The following NKAIN2 variants were observed in gnomAD, a reference collection of about 807,000 sequenced individuals.
NKAIN2 encodes the protein sodium/potassium transporting ATPase interacting 2.
Under a neutral mutation model 32.6 loss-of-function variants are expected in NKAIN2, and 14 were observed. That is an observed-to-expected ratio of 0.43 (90% CI 0.28 to 0.67). The LOEUF (loss-of-function observed/expected upper bound fraction) is 0.67. Among genes scored for constraint, NKAIN2 ranks in the 30% least tolerant of loss-of-function variants. NKAIN2 has a pLI of 0.17. For missense variants in NKAIN2, 198 were observed against 258.3 expected (o/e 0.77, Z 1.60); for synonymous variants, 80 against 87.2 (o/e 0.92, Z 0.46).
At chr6:124,128,750 T>C (rs760372882) in intron 1 of NKAIN2, among the ~76,000 whole-genome samples, 1 of 152,236 alleles carries the variant, frequency 6.6e-6, no homozygotes, top group Non-Finnish European at 1.5e-5. Context: ...TATTCCTGTA[T>C]GTTATTACTA....
intron 2 of NKAIN2, among the ~76,000 whole-genome samples, chr6:124,301,458 G>A (rs1796289449): frequency 6.6e-6 from 1 of 152,174 alleles, no homozygotes; most frequent in South Asian, 2.1e-4. Flanking sequence ...GCCTAGTGGA[G>A]CTGTGAGAAG....
chr6:124,564,409 G>T (rs1456639917), intron 3 of NKAIN2, among the ~76,000 whole-genome samples: 2 of 152,114 alleles, frequency 1.3e-5, no homozygotes, highest in African/African-American at 2.4e-5. Context: ...CTGTATAATG[G>T]ATCAATCAGC....
intron 2 of NKAIN2, among the ~76,000 whole-genome samples, chr6:124,307,133 T>C (rs547035724): frequency 6.6e-6 from 1 of 152,218 alleles, no homozygotes; most frequent in South Asian, 2.1e-4. Flanking sequence ...ATAAATTTAG[T>C]ATATATCATA....
chr6:123,821,762 C>T (rs935456100), intron 1 of NKAIN2, among the ~76,000 whole-genome samples: 1 of 152,132 alleles, frequency 6.6e-6, no homozygotes, highest in Non-Finnish European at 1.5e-5. Context: ...TTCAAAAATA[C>T]TGTTGGCTTT....
intron 4 of NKAIN2, among the ~76,000 whole-genome samples, chr6:124,771,790 C>T (rs1035837405): frequency 5.3e-5 from 8 of 151,886 alleles, no homozygotes; most frequent in African/African-American, 1.9e-4. Flanking sequence ...TAAAAACACC[C>T]AGCAAAAACT....
chr6:124,092,703 G>A (rs1414631911), intron 1 of NKAIN2, among the ~76,000 whole-genome samples: 1 of 151,776 alleles, frequency 6.6e-6, no homozygotes, highest in African/African-American at 2.4e-5. Context: ...GCTCTCATAT[G>A]TTTAGCCTAT....
At chr6:124,300,683 G>C (rs1162647792) in intron 2 of NKAIN2, among the ~76,000 whole-genome samples, 2 of 152,182 alleles carry the variant, frequency 1.3e-5, no homozygotes, top group African/African-American at 4.8e-5. Context: ...TCCAGGCCGA[G>C]GTGGTCTCAG....
intron 1 of NKAIN2, among the ~76,000 whole-genome samples, chr6:124,001,245 T>G (rs1382005589): frequency 1.3e-5 from 2 of 151,992 alleles, no homozygotes; most frequent in South Asian, 2.1e-4. Flanking sequence ...AATGTTAGAT[T>G]AGAAATCAGA....
intron 4 of NKAIN2, among the ~76,000 whole-genome samples, chr6:124,672,012 A>T (rs1359427023): frequency 1.3e-5 from 2 of 151,974 alleles, no homozygotes; most frequent in African/African-American, 4.8e-5. Flanking sequence ...GCCCATTTTA[A>T]AAAACAAAAA....
intron 2 of NKAIN2, among the ~76,000 whole-genome samples, chr6:124,329,122 T>G (rs1797548056): frequency 6.6e-6 from 1 of 152,140 alleles, no homozygotes; most frequent in South Asian, 2.1e-4. Context: ...CAAACACTCA[T>G]CTAGCACCTC....
chr6:124,810,622 A>C (rs544789023), intron 5 of NKAIN2, among the ~76,000 whole-genome samples: 8 of 152,262 alleles, frequency 5.3e-5, no homozygotes, highest in Admixed American at 4.6e-4. Context: ...CCTAAAACTT[A>C]AAGTATAATA....
chr6:124,803,608 T>C (rs1406282090), intron 5 of NKAIN2, among the ~76,000 whole-genome samples: 1 of 152,240 alleles, frequency 6.6e-6, no homozygotes. Flanking sequence ...AGGCTGTTCC[T>C]GTTGCTTGTC....
chr6:124,490,412 G>GTTT (rs3052658), intron 3 of NKAIN2: 49,582 of 307,850 alleles, frequency 0.16, 2,527 homozygotes, highest in East Asian at 0.26. Flanking sequence ...AATCATAGAG[G>GTTT]TTTTTTTTTT....
intron 1 of NKAIN2, among the ~76,000 whole-genome samples, chr6:123,980,006 A>G (rs950183170): frequency 2.0e-5 from 3 of 152,198 alleles, no homozygotes; most frequent in African/African-American, 7.2e-5. Flanking sequence ...GATATTAGAC[A>G]GTGATTGGTT....
intron 1 of NKAIN2, among the ~76,000 whole-genome samples, chr6:124,116,309 A>T (rs1458364221): frequency 6.6e-6 from 1 of 152,074 alleles, no homozygotes; most frequent in Non-Finnish European, 1.5e-5. Flanking sequence ...TAGTTCACAC[A>T]CTTGTACCTT....
chr6:124,386,858 G>T (rs1772921821), intron 3 of NKAIN2, among the ~76,000 whole-genome samples: 1 of 151,998 alleles, frequency 6.6e-6, no homozygotes, highest in African/African-American at 2.4e-5. Flanking sequence ...TTGGGCCATT[G>T]TCCCCCTAAA....
chr6:124,154,537 G>A (rs1282515884), intron 1 of NKAIN2, among the ~76,000 whole-genome samples: 1 of 151,794 alleles, frequency 6.6e-6, no homozygotes, highest in Non-Finnish European at 1.5e-5. Context: ...AAATTATACT[G>A]CCACTTTGTG....
At chr6:124,198,295 AGTT>A (rs964674187) in intron 1 of NKAIN2, among the ~76,000 whole-genome samples, 5 of 151,868 alleles carry the variant, frequency 3.3e-5, no homozygotes, top group Admixed American at 3.3e-4. Context: ...AGTAGACTGC[AGTT>A]GTTTAGTACT....
intron 1 of NKAIN2, among the ~76,000 whole-genome samples, chr6:124,144,444 A>G (rs1199504313): frequency 2.0e-5 from 3 of 152,204 alleles, no homozygotes; most frequent in Non-Finnish European, 4.4e-5. Flanking sequence ...CAGAAGAAAA[A>G]TAATGGAACA....
Sources: allele counts gnomAD v4.1 joint callset (sites outside exome capture counted in the v4.1 genomes callset), GRCh38; gene constraint gnomAD v4.1.1; transcripts MANE v1.5; gene names NCBI Gene and HGNC (gene_info 2026-07-23, HGNC 2026-07-21).